RGS7: variants seen among roughly 807,000 people sequenced by gnomAD.
RGS7 encodes the protein regulator of G-protein signaling 7.
A neutral mutation model predicts 81.1 loss-of-function variants in RGS7; 27 were observed. The ratio of observed to expected loss-of-function variants is 0.33; its 90% CI spans 0.25 to 0.46. The LOEUF is 0.46. Ranked by LOEUF, RGS7 falls within the 20% of genes least tolerant of loss-of-function variation. RGS7 has a pLI of 1.00. For missense variants in RGS7, 396 were observed against 607.4 expected (o/e 0.65, Z 3.66); for synonymous variants, 208 against 207.7 (o/e 1.00, Z -0.01).
At chr1:241,272,389 C>A (rs1285789108) in intron 2 of RGS7, among the ~76,000 whole-genome samples, 1 of 152,224 alleles carries the variant, frequency 6.6e-6, no homozygotes, top group East Asian at 1.9e-4. Flanking sequence ...TCCCCCTCCC[C>A]AGCTTCCTGC....
chr1:241,355,490 C>G (rs959421107), intron 2 of RGS7, among the ~76,000 whole-genome samples: 1 of 152,170 alleles, frequency 6.6e-6, no homozygotes, highest in Admixed American at 6.5e-5. Context: ...GCAGGGAACA[C>G]GTGAGGAGGC....
intron 15 of RGS7, among the ~76,000 whole-genome samples, chr1:240,804,181 T>A (rs1688462479): frequency 6.6e-6 from 1 of 152,190 alleles, no homozygotes; most frequent in African/African-American, 2.4e-5. Context: ...TTCTCATCTA[T>A]AAAATAGCAT....
chr1:240,823,391 C>A, intron 10 of RGS7: 1 of 433,140 alleles, frequency 2.3e-6, no homozygotes, highest in Non-Finnish European at 4.4e-6. Context: ...CGGCCGAAGC[C>A]CCGCACCACT....
At chr1:241,133,060 C>T (rs536899317) in intron 2 of RGS7, among the ~76,000 whole-genome samples, 1 of 152,160 alleles carries the variant, frequency 6.6e-6, no homozygotes, top group African/African-American at 2.4e-5. Flanking sequence ...CTGCGCCCGG[C>T]AATTCAACTT....
chr1:241,021,890 G>A (rs934274083), intron 3 of RGS7, among the ~76,000 whole-genome samples: 2 of 152,134 alleles, frequency 1.3e-5, no homozygotes, highest in Non-Finnish European at 2.9e-5. Flanking sequence ...TGTTCAACCT[G>A]AGAAAAATGG....
At chr1:240,932,910 G>C (rs71648639) in intron 5 of RGS7, among the ~76,000 whole-genome samples, 4 of 104,292 alleles carry the variant, frequency 3.8e-5, no homozygotes, top group African/African-American at 7.6e-5. Context: ...TTGAGACAGA[G>C]TCTCGCTCTG....
chr1:241,213,609 GAT>G (rs149646729), intron 2 of RGS7, among the ~76,000 whole-genome samples: 1,990 of 152,162 alleles, frequency 0.013, 48 homozygotes, highest in African/African-American at 0.045. Flanking sequence ...TAGACCACTT[GAT>G]ATATAATGTA....
At chr1:240,857,605 A>G (rs1297870186) in intron 9 of RGS7, among the ~76,000 whole-genome samples, 1 of 151,942 alleles carries the variant, frequency 6.6e-6, no homozygotes, top group Non-Finnish European at 1.5e-5. Context: ...CTTTTCCACA[A>G]TGTCATAGAG....
chr1:241,175,728 G>GA (rs1044156717), intron 2 of RGS7, among the ~76,000 whole-genome samples: 4 of 152,156 alleles, frequency 2.6e-5, no homozygotes, highest in African/African-American at 9.7e-5. Flanking sequence ...GTTAAACCTG[G>GA]AAAAATCAGA....
intron 6 of RGS7, among the ~76,000 whole-genome samples, chr1:240,882,589 C>T (rs957915559): frequency 5.3e-5 from 8 of 152,080 alleles, no homozygotes; most frequent in Admixed American, 1.3e-4. Flanking sequence ...AAAACAGATA[C>T]GACACACAAA....
chr1:241,189,983 G>A (rs1558171312), intron 2 of RGS7, among the ~76,000 whole-genome samples: 1 of 152,050 alleles, frequency 6.6e-6, no homozygotes. Flanking sequence ...GGCACCTGTA[G>A]TCCCAGCTAC....
chr1:241,276,730 T>C (rs965760864), intron 2 of RGS7, among the ~76,000 whole-genome samples: 14 of 152,218 alleles, frequency 9.2e-5, no homozygotes, highest in African/African-American at 3.1e-4. Context: ...GGACTTAAAA[T>C]GTACTACCTG....
chr1:241,314,475 T>C (rs1334923894), intron 2 of RGS7, among the ~76,000 whole-genome samples: 1 of 152,180 alleles, frequency 6.6e-6, no homozygotes, highest in African/African-American at 2.4e-5. Flanking sequence ...TTGACACTTA[T>C]TAGACTACAG....
intron 2 of RGS7, among the ~76,000 whole-genome samples, chr1:241,205,012 T>A (rs1368661198): frequency 6.6e-6 from 1 of 152,018 alleles, no homozygotes; most frequent in Non-Finnish European, 1.5e-5. Flanking sequence ...CATCCCTTTT[T>A]ATCTATGGTC....
At position 241,033,423 on chromosome 1, in the gene RGS7, A is replaced by G. The variant is rs373713496; in HGVS notation, c.176-50294T>C. Among the ~76,000 whole-genome samples, 94 of 152,270 alleles carry G rather than the reference A, an allele frequency of 6.2e-4. 1 individual carries two copies. Among genetic ancestry groups the G allele is most frequent in the African/African-American group, 2.2e-3 (91 of 41,560 alleles). Reference sequence around the variant, plus strand: ...AACAATAAGTCTCTATTATATATTCATGATGAAATTCTCATTGGTCCAAAA... The same window carrying G: ...AACAATAAGTCTCTATTATATATTCGTGATGAAATTCTCATTGGTCCAAAA... On this transcript the variant is annotated intron_variant, in intron 3 of 18. Transcript: ENST00000440928.
At chr1:241,305,846 T>G (rs1240805620) in intron 2 of RGS7, 3 of 309,858 alleles carry the variant, frequency 9.7e-6, no homozygotes, top group Non-Finnish European at 1.9e-5. Context: ...GGTCACCTTG[T>G]GGCCTTTGTT....
intron 18 of RGS7, among the ~76,000 whole-genome samples, chr1:240,782,040 G>A (rs943523411): frequency 6.6e-6 from 1 of 151,938 alleles, no homozygotes; most frequent in Non-Finnish European, 1.5e-5. Context: ...GATCTTAAGT[G>A]CAGCACTGAG....
At chr1:241,063,909 C>T (rs1206932940) in intron 3 of RGS7, among the ~76,000 whole-genome samples, 4 of 152,080 alleles carry the variant, frequency 2.6e-5, no homozygotes, top group Non-Finnish European at 4.4e-5. Context: ...TAAAGCCGGG[C>T]GCGGTGGCTC....
chr1:241,141,406 A>G (rs112944137), intron 2 of RGS7, among the ~76,000 whole-genome samples: 1,833 of 152,300 alleles, frequency 0.012, 44 homozygotes, highest in East Asian at 0.06. Flanking sequence ...CACTGTATTA[A>G]TCCATTCTCA....
Sources: allele counts gnomAD v4.1 joint callset (sites outside exome capture counted in the v4.1 genomes callset), GRCh38; gene constraint gnomAD v4.1.1; transcripts MANE v1.5; gene names NCBI Gene and HGNC (gene_info 2026-07-23, HGNC 2026-07-21).